Variants in SLC25A40 observed in about 807,000 individuals in gnomAD.
SLC25A40 encodes the protein mitochondrial glutathione transporter SLC25A40.
SLC25A40 carries 41 observed loss-of-function variants against 46.5 expected under a neutral mutation model. The observed-to-expected ratio is 0.88, with a 90% CI of 0.69 to 1.14. SLC25A40 has a LOEUF of 1.14. SLC25A40 is among the 50% of genes most tolerant of loss of function. SLC25A40 has a pLI of 0.00. For missense variants in SLC25A40, 386 were observed against 393.6 expected, an observed-to-expected ratio of 0.98 and a Z score of 0.16; for synonymous variants, 126 against 127.5, an observed-to-expected ratio of 0.99 and a Z score of 0.08.
chr7:87,839,140 T>A (rs931143540), intron 10 of SLC25A40, among the ~76,000 whole-genome samples: 9 of 151,564 alleles, frequency 5.9e-5, no homozygotes, highest in African/African-American at 2.2e-4. Flanking sequence ...CATCATGGCA[T>A]AAGGTTCCCA....
intron 5 of SLC25A40, among the ~76,000 whole-genome samples, chr7:87,851,644 T>C (rs1838512347): frequency 6.6e-6 from 1 of 152,210 alleles, no homozygotes; most frequent in Admixed American, 6.5e-5. Flanking sequence ...ACACCGTCAG[T>C]GGAAACCATA....
intron 1 of SLC25A40, among the ~76,000 whole-genome samples, chr7:87,864,510 T>C (rs1838758654): frequency 6.6e-6 from 1 of 152,228 alleles, no homozygotes; most frequent in South Asian, 2.1e-4. Flanking sequence ...CCCGCATTGG[T>C]TAAATATTTA....
At chr7:87,844,742 A>T (rs990661103) in intron 8 of SLC25A40, among the ~76,000 whole-genome samples, 2 of 152,120 alleles carry the variant, frequency 1.3e-5, no homozygotes, top group African/African-American at 4.8e-5. Flanking sequence ...CAAGCTACAA[A>T]GATTTAATTT....
chr7:87,864,149 G>C (rs921091491), intron 1 of SLC25A40, among the ~76,000 whole-genome samples: 9 of 152,172 alleles, frequency 5.9e-5, no homozygotes, highest in Admixed American at 2.0e-4. Flanking sequence ...CCATTACTGA[G>C]AGTGTGTTAC....
chr7:87,836,003 G>A lies in SLC25A40; in HGVS notation c.*246C>T, dbSNP rs1838253696. The A allele has an allele frequency of 5.8e-6, 2 of 347,154 alleles. No individual in the cohort carries two copies. The highest frequency in any genetic ancestry group is 5.0e-5 in the Admixed American group (1 of 20,014). The allele number at this position is 347,154 out of a possible 1,614,324, so 21.5% of individuals were successfully genotyped here. A position where few individuals can be genotyped will look rare whatever the true frequency, so the allele number is the denominator to read the frequency against. On this transcript the variant is annotated 3_prime_UTR_variant, in exon 12 of 12. Transcript: ENST00000341119. ...TCAAGAGACTGCTTTTGATGCTAAG[G>A]AGTAATCTATTTTTACAAGAATGCT... is the stretch of plus-strand genomic sequence containing the variant.
chr7:87,862,021 A>G (rs1362291122), intron 1 of SLC25A40, among the ~76,000 whole-genome samples: 3 of 151,950 alleles, frequency 2.0e-5, no homozygotes, highest in Non-Finnish European at 2.9e-5. Flanking sequence ...AAAAATAATG[A>G]AAAAAAAGGC....
chr7:87,864,763 T>C (rs1370983389), intron 1 of SLC25A40, among the ~76,000 whole-genome samples: 8 of 152,214 alleles, frequency 5.3e-5, no homozygotes, highest in Non-Finnish European at 5.9e-5. Flanking sequence ...TTAATCCATT[T>C]AGCCATTCTG....
rs1434798672 is a variant in SLC25A40, at chr7:87,834,373, G to GTTGT, written c.*1872_*1875dup. ...ATAGCAAAATTCTGAACACTTTTTG[G>GTTGT]TTGTTAGTATATTTTAAAAGTATTA... On this transcript the variant is annotated 3_prime_UTR_variant, in exon 12 of 12. Transcript: ENST00000341119. 6.6e-6 allele frequency: 1 copy of GTTGT among 151,140 alleles called. No homozygotes were observed. The highest frequency in any genetic ancestry group is 1.9e-4 in the East Asian group (1 of 5,148). 9.4% of individuals were successfully genotyped at this position (151,140 alleles called of 1,614,324 possible).
At chr7:87,860,859 T>C (rs561847015) in intron 1 of SLC25A40, among the ~76,000 whole-genome samples, 20 of 151,886 alleles carry the variant, frequency 1.3e-4, no homozygotes, top group Admixed American at 2.0e-4. Context: ...CTAGTTAATA[T>C]ACTCTGCTTT....
rs1839025000 is a variant in SLC25A40 at position 87,876,330 on chromosome 7, C to T, written c.-328G>A. 5.7e-6 allele frequency: 1 copy of T among 175,418 alleles called. No individual in the cohort carries two copies. The allele number at this position is 175,418 out of a possible 1,614,324, so 10.9% of individuals were successfully genotyped here. On this transcript the variant is annotated 5_prime_UTR_variant, in exon 1 of 12. Coordinates refer to ENST00000341119, the MANE Select transcript of SLC25A40 (RefSeq NM_018843.4). ...GGCGGGGTAGAGGCGGAAACACAAC[C>T]TGCAGGGCCAGAGCGAGGCGCGAGA...
In SLC25A40 at chr7:87,847,761, C is replaced by G. The variant is rs960777117; in HGVS notation, c.457+92G>C. ...TAATGCAAAATATATCATACTAATA[C>G]TCTATATATTATACAAATTATCTGT... On this transcript the variant is annotated intron_variant, in intron 7 of 11. Transcript: ENST00000341119. 4.0e-6 allele frequency: 5 copies of G among 1,235,338 alleles called. No individual in the cohort carries two copies. The East Asian group carries it at 1.1e-4, about 26-fold the overall frequency. 76.5% of individuals were successfully genotyped at this position (1,235,338 alleles called of 1,614,324 possible). A position where few individuals can be genotyped will look rare whatever the true frequency, so the allele number is the denominator to read the frequency against.
intron 1 of SLC25A40, among the ~76,000 whole-genome samples, chr7:87,875,405 T>C (rs555199149): frequency 6.6e-6 from 1 of 152,230 alleles, no homozygotes; most frequent in South Asian, 2.1e-4. Flanking sequence ...TTAAGGTACC[T>C]ACCTGCAAAA....
At position 87,836,260 on chromosome 7, in the gene SLC25A40, G is replaced by C; in HGVS notation, c.1006C>G (p.Gln336Glu). ...TTGAAACAGCATCACTAGTATTGCT[G>C]CCTTCGAACATTTTGTTTCTGGAAA... The part of the protein sequence containing the change: ...AFFQKQNVRR[Q>E]QY The change falls in exon 12 of 12, where the codon CAG (glutamine) becomes GAG (glutamate). Residue 336 changes from glutamine (Q) to glutamate (E), a missense_variant. Transcript: ENST00000341119. 5 of 1,583,846 alleles carry C rather than the reference G, an allele frequency of 3.2e-6. No individual in the cohort carries two copies. Among genetic ancestry groups the C allele is most frequent in the Non-Finnish European group, 4.3e-6 (5 of 1,167,244 alleles).
intron 1 of SLC25A40, among the ~76,000 whole-genome samples, chr7:87,862,730 A>AT (rs2131016529): frequency 6.6e-6 from 1 of 152,338 alleles, no homozygotes; most frequent in African/African-American, 2.4e-5. Flanking sequence ...ATTAACAAAT[A>AT]AAAGTGTTTT....
chr7:87,841,639 G>T lies in SLC25A40; in HGVS notation c.817C>A (p.His273Asn). Residue 273 changes from histidine (H) to asparagine (N), a missense_variant, in exon 10 of 12, where the codon CAT becomes AAT. His to Asn is a moderately conservative substitution (Grantham distance 68). Transcript: ENST00000341119. ...TTAAATTAATTAAACTTACTTTTAT[G>T]ACTTTCATATGTCCAAAGTTGTGTC... ...KQTQLWTYES[H>N]KISMPLHMST... 6.7e-7 allele frequency: 1 copy of T among 1,486,926 alleles called. No individual in the cohort carries two copies. Among genetic ancestry groups the T allele is most frequent in the South Asian group, 1.5e-5 (1 of 68,912 alleles). The allele number at this position is 1,486,926 out of a possible 1,614,324, so 92.1% of individuals were successfully genotyped here.
In SLC25A40 at chr7:87,851,156, A is replaced by G. The variant is rs149062554; in HGVS notation, c.265-1208T>C. The stretch of plus-strand genomic sequence containing the variant: ...AACATGAATGTCCATAGAATTAATT[A>G]TTCCAAAAAGTAGAAACAACCCAAA... On this transcript the variant is annotated intron_variant, in intron 5 of 11. Coordinates refer to ENST00000341119, the MANE Select transcript of SLC25A40 (RefSeq NM_018843.4). 2.0e-3 allele frequency among the ~76,000 whole-genome samples: 302 copies of G among 152,260 alleles called. 1 individual carries two copies. Among genetic ancestry groups the G allele is most frequent in the African/African-American group, 6.6e-3 (276 of 41,566 alleles).
intron 1 of SLC25A40, among the ~76,000 whole-genome samples, chr7:87,867,556 A>C (rs1456978499): frequency 6.6e-6 from 1 of 152,016 alleles, no homozygotes; most frequent in African/African-American, 2.4e-5. Context: ...TTGGTTGGAG[A>C]GCTCATGTAC....
chr7:87,833,875 T>A lies in SLC25A40; in HGVS notation c.*2374A>T, dbSNP rs538598803. On this transcript the variant is annotated 3_prime_UTR_variant, in exon 12 of 12. Transcript: ENST00000341119. The stretch of plus-strand genomic sequence containing the variant: ...TACATGTTGTTCCAAGAGGGAAAAA[T>A]TTAAAAAACATATGCAGTTAAATAA... The A allele has an allele frequency of 3.3e-5, 5 of 151,658 alleles. No homozygotes were observed. Among genetic ancestry groups the A allele is most frequent in the Non-Finnish European group, 2.9e-5 (2 of 67,836 alleles). 9.4% of individuals were successfully genotyped at this position (151,658 alleles called of 1,614,324 possible). A position where few individuals can be genotyped will look rare whatever the true frequency, so the allele number is the denominator to read the frequency against.
chr7:87,844,052 T>C, intron 8 of SLC25A40, 189 bp from the exon 9 acceptor site: 1 of 945,912 alleles, frequency 1.1e-6, no homozygotes, highest in East Asian at 1.2e-4. Flanking sequence ...ATTCTAGTAG[T>C]CCTATAAACA....
Sources: gnomAD v4.1 joint callset for allele counts (sites outside exome capture counted in the v4.1 genomes callset) on GRCh38, gnomAD v4.1.1 for gene constraint, MANE v1.5 for transcripts, NCBI Gene and HGNC (gene_info 2026-07-23, HGNC 2026-07-21) for gene names.